The following RYR2 variants were observed in gnomAD, a reference collection of about 807,000 sequenced individuals.
RYR2 encodes ryanodine receptor 2.
A neutral mutation model predicts 601.1 loss-of-function variants in RYR2; 227 were observed. The ratio of observed to expected loss-of-function variants is 0.38; its 90% CI spans 0.34 to 0.42. The LOEUF (loss-of-function observed/expected upper bound fraction) is 0.42, where lower values mean the gene tolerates loss of function less well. Among genes scored for constraint, RYR2 ranks in the 10% least tolerant of loss-of-function variants. The pLI is 1.00. For synonymous variants in RYR2, 2,223 were observed against 2,175.1 expected, an observed-to-expected ratio of 1.02 and a Z score of -0.61; for missense variants, 4,646 against 6,156.5, an observed-to-expected ratio of 0.75 and a Z score of 8.21.
At position 237,742,188 on chromosome 1, in the gene RYR2, A is replaced by G. The variant is rs917493318; in HGVS notation, c.11092-108A>G. 16 of 719,094 alleles carry G rather than the reference A, an allele frequency of 2.2e-5. No individual in the cohort carries two copies. The Admixed American group carries it at 4.2e-4, about 19-fold the overall frequency. The allele number at this position is 719,094 out of a possible 1,614,324, so 44.5% of individuals were successfully genotyped here. A position where few individuals can be genotyped will look rare whatever the true frequency, so the allele number is the denominator to read the frequency against. ...TCTTACATGTGTTTAAACAAGGTTG[A>G]TGATAAATTAATACAAATGATTTGC... On this transcript the variant is annotated intron_variant, in intron 79 of 104. Coordinates refer to ENST00000366574, the MANE Select transcript of RYR2 (RefSeq NM_001035.3).
At chr1:237,394,771 G>A (rs189544810) in intron 10 of RYR2, among the ~76,000 whole-genome samples, 14 of 152,226 alleles carry the variant, frequency 9.2e-5, no homozygotes, top group African/African-American at 7.2e-5. Flanking sequence ...GGAACTCACC[G>A]TCTCTATTAG....
chr1:237,615,749 C>T (rs1559119007), intron 37 of RYR2, among the ~76,000 whole-genome samples: 1 of 152,088 alleles, frequency 6.6e-6, no homozygotes, highest in Non-Finnish European at 1.5e-5. Flanking sequence ...CTCATTTATG[C>T]ATTAAAAAAT....
chr1:237,353,453 G>C (rs1480553445), intron 3 of RYR2, among the ~76,000 whole-genome samples: 1 of 147,792 alleles, frequency 6.8e-6, no homozygotes, highest in African/African-American at 2.5e-5. Flanking sequence ...AGGTTACAGT[G>C]AGCCGAGATT....
At chr1:237,818,948 A>G (rs1662134266) in intron 100 of RYR2, 88 bp from the exon 101 acceptor site, 4 of 1,173,598 alleles carry the variant, frequency 3.4e-6, no homozygotes, top group African/African-American at 1.5e-5. Context: ...CAGAGTGAGG[A>G]TTAGGAACTA....
intron 96 of RYR2, among the ~76,000 whole-genome samples, chr1:237,796,379 A>C (rs999745506): frequency 2.6e-5 from 4 of 152,168 alleles, no homozygotes; most frequent in African/African-American, 9.7e-5. Flanking sequence ...ATGGTACCTA[A>C]TTTGTCCTGC....
chr1:237,593,329 T>C, intron 32 of RYR2, 147 bp from the exon 33 acceptor site: 1 of 642,658 alleles, frequency 1.6e-6, no homozygotes, highest in Non-Finnish European at 2.5e-6. Flanking sequence ...CCTTTGTGCC[T>C]ACAATATTTT....
Position 237,100,331 on chromosome 1 carries a change from C to T in RYR2, c.48+57762C>T, listed in dbSNP as rs1406906673. Among the ~76,000 whole-genome samples the T allele has an allele frequency of 5.9e-5, 9 of 152,150 alleles. No homozygotes were observed. The East Asian group carries it at 1.2e-3, about 20-fold the overall frequency. ...TCTGGGATGGGTGGACTCAATCTCG[C>T]TTCTCGATTCTCTCTTCTCTCTTCT... is the stretch of plus-strand genomic sequence containing the variant. On this transcript the variant is annotated intron_variant, in intron 1 of 104. Coordinates refer to ENST00000366574, the MANE Select transcript of RYR2 (RefSeq NM_001035.3).
chr1:237,499,850 G>A (rs960168047), intron 20 of RYR2, among the ~76,000 whole-genome samples: 1 of 152,154 alleles, frequency 6.6e-6, no homozygotes, highest in Non-Finnish European at 1.5e-5. Flanking sequence ...TGTGTGTTTG[G>A]GAGAACCTTA....
chr1:237,624,992 T>C (rs778321397), intron 39 of RYR2, among the ~76,000 whole-genome samples: 27 of 152,002 alleles, frequency 1.8e-4, no homozygotes, highest in Non-Finnish European at 3.2e-4. Flanking sequence ...TGTGTGTATA[T>C]ATATATATTT....
At chr1:237,278,387 G>T (rs1308498829) in intron 2 of RYR2, among the ~76,000 whole-genome samples, 1 of 149,884 alleles carries the variant, frequency 6.7e-6, no homozygotes, top group African/African-American at 2.5e-5. Flanking sequence ...CACCGTACCT[G>T]CCTGGGAATT....
At chr1:237,479,535 T>C (rs1661800101) in intron 17 of RYR2, among the ~76,000 whole-genome samples, 1 of 152,178 alleles carries the variant, frequency 6.6e-6, no homozygotes, top group Non-Finnish European at 1.5e-5. Context: ...TAGCTCTCAA[T>C]AAATATTTGC....
intron 25 of RYR2, among the ~76,000 whole-genome samples, chr1:237,542,380 C>T (rs974715974): frequency 6.6e-6 from 1 of 152,144 alleles, no homozygotes; most frequent in Non-Finnish European, 1.5e-5. Context: ...AGAATAGCAC[C>T]TGAAAGCATT....
intron 10 of RYR2, among the ~76,000 whole-genome samples, chr1:237,411,493 T>C (rs1297627588): frequency 1.3e-5 from 2 of 152,130 alleles, no homozygotes; most frequent in Non-Finnish European, 2.9e-5. Flanking sequence ...AGGCAAAATA[T>C]TATTGAATCT....
At chr1:237,830,958 T>C (rs577827323) in intron 103 of RYR2, among the ~76,000 whole-genome samples, 61 of 152,302 alleles carry the variant, frequency 4.0e-4, no homozygotes, top group Non-Finnish European at 6.5e-4. Context: ...GATGCGAGTC[T>C]CCGTTTTTCT....
intron 1 of RYR2, among the ~76,000 whole-genome samples, chr1:237,237,640 C>A (rs571914637): frequency 6.6e-6 from 1 of 152,290 alleles, no homozygotes; most frequent in East Asian, 1.9e-4. Flanking sequence ...GAAATTGAAG[C>A]ATCTTACCCC....
At chr1:237,586,880 C>T (rs1305812867) in intron 29 of RYR2, among the ~76,000 whole-genome samples, 5 of 152,020 alleles carry the variant, frequency 3.3e-5, no homozygotes, top group South Asian at 2.1e-4. Context: ...CCACCATGCC[C>T]GGCTAATTTT....
intron 1 of RYR2, among the ~76,000 whole-genome samples, chr1:237,243,543 C>T (rs1686445764): frequency 6.6e-6 from 1 of 152,178 alleles, no homozygotes; most frequent in South Asian, 2.1e-4. Context: ...TCCACATGTT[C>T]AGCTATCCAG....
chr1:237,433,630 A>G (rs1037539272), intron 12 of RYR2, among the ~76,000 whole-genome samples: 1 of 152,136 alleles, frequency 6.6e-6, no homozygotes, highest in East Asian at 1.9e-4. Flanking sequence ...TAAAATACAT[A>G]TTGGATTCAC....
At chr1:237,722,817 T>C (rs1392332124) in intron 73 of RYR2, among the ~76,000 whole-genome samples, 3 of 152,202 alleles carry the variant, frequency 2.0e-5, no homozygotes, top group East Asian at 1.9e-4. Flanking sequence ...ACATGATTAG[T>C]GTAGTCAGAC....
Sources: gnomAD v4.1 joint callset for allele counts (sites outside exome capture counted in the v4.1 genomes callset) on GRCh38, gnomAD v4.1.1 for gene constraint, MANE v1.5 for transcripts, NCBI Gene and HGNC (gene_info 2026-07-23, HGNC 2026-07-21) for gene names.